Variants in PABPC4L observed in about 807,000 individuals in gnomAD.
PABPC4L encodes poly(A) binding protein cytoplasmic 4 like, also known as polyadenylate-binding protein 4-like.
For synonymous variants in PABPC4L, 169 were observed against 164.1 expected, an observed-to-expected ratio of 1.03 and a Z score of -0.23; for missense variants, 452 against 451.4, an observed-to-expected ratio of 1.00 and a Z score of -0.01.
At chr4:134,100,909 A>C in the PABPC4L span, among the ~76,000 whole-genome samples, 2 of 151,650 alleles carry the variant, frequency 1.3e-5, no homozygotes, top group Admixed American at 1.3e-4. Context: ...ATTTATTTAT[A>C]GCCAAAATAA....
chr4:133,958,332 T>C, the PABPC4L span, among the ~76,000 whole-genome samples: 6 of 152,180 alleles, frequency 3.9e-5, no homozygotes, highest in East Asian at 9.7e-4. Context: ...TACCTCAACC[T>C]GGACATCATT....
At chr4:134,138,243 T>C in the PABPC4L span, among the ~76,000 whole-genome samples, 19 of 151,814 alleles carry the variant, frequency 1.3e-4, no homozygotes, top group African/African-American at 4.6e-4. Flanking sequence ...TACTAGAATA[T>C]TAATGAGAAT....
chr4:134,084,141 T>C, the PABPC4L span, among the ~76,000 whole-genome samples: 1 of 152,106 alleles, frequency 6.6e-6, no homozygotes, highest in East Asian at 1.9e-4. Flanking sequence ...CTCAAACTCC[T>C]GGGCCCAAGG....
the PABPC4L span, among the ~76,000 whole-genome samples, chr4:134,107,871 A>G: frequency 2.0e-5 from 3 of 151,422 alleles, no homozygotes; most frequent in African/African-American, 7.3e-5. Flanking sequence ...TAGATATAAC[A>G]CCTAATGCTT....
the PABPC4L span, among the ~76,000 whole-genome samples, chr4:134,104,528 C>G: frequency 2.0e-5 from 3 of 151,626 alleles, no homozygotes; most frequent in African/African-American, 4.8e-5. Flanking sequence ...TGAGAAAATA[C>G]GTTTCTCCGA....
the PABPC4L span, among the ~76,000 whole-genome samples, chr4:134,139,177 A>G: frequency 6.6e-6 from 1 of 152,060 alleles, no homozygotes; most frequent in Non-Finnish European, 1.5e-5. Flanking sequence ...CTTTGAAAAT[A>G]TGAATTTTAA....
the PABPC4L span, among the ~76,000 whole-genome samples, chr4:134,016,352 G>T: frequency 1.3e-5 from 2 of 152,062 alleles, no homozygotes; most frequent in Admixed American, 1.3e-4. Flanking sequence ...CTACGCAAGG[G>T]TCCTCTATCA....
the PABPC4L span, among the ~76,000 whole-genome samples, chr4:134,094,416 G>A: frequency 2.6e-5 from 4 of 151,822 alleles, no homozygotes; most frequent in Non-Finnish European, 5.9e-5. Context: ...CACTTTAGCT[G>A]TAGTTATATA....
chr4:133,981,712 A>G, the PABPC4L span, among the ~76,000 whole-genome samples: 4 of 152,106 alleles, frequency 2.6e-5, no homozygotes, highest in South Asian at 8.3e-4. Flanking sequence ...CTTGATATTT[A>G]AAACTCAAAA....
chr4:134,132,832 G>A, the PABPC4L span, among the ~76,000 whole-genome samples: 3 of 146,982 alleles, frequency 2.0e-5, no homozygotes, highest in Non-Finnish European at 4.5e-5. Flanking sequence ...ATCAATAAGT[G>A]GTTAAAGAAA....
the PABPC4L span, among the ~76,000 whole-genome samples, chr4:134,128,262 C>G: frequency 6.6e-6 from 1 of 152,078 alleles, no homozygotes; most frequent in Non-Finnish European, 1.5e-5. Context: ...GGAAGCCTTC[C>G]CTGGCCTTGC....
the PABPC4L span, among the ~76,000 whole-genome samples, chr4:134,169,478 C>A: frequency 6.6e-6 from 1 of 151,862 alleles, no homozygotes; most frequent in Non-Finnish European, 1.5e-5. Flanking sequence ...TAAAAGGCAT[C>A]CAAATTAGAA....
the PABPC4L span, among the ~76,000 whole-genome samples, chr4:134,143,296 G>T: frequency 1.3e-5 from 2 of 149,448 alleles, no homozygotes; most frequent in Non-Finnish European, 3.0e-5. Flanking sequence ...AATATTATGT[G>T]TGTACATATG....
chr4:134,058,173 A>G, the PABPC4L span, among the ~76,000 whole-genome samples: 1 of 152,040 alleles, frequency 6.6e-6, no homozygotes, highest in Non-Finnish European at 1.5e-5. Context: ...AATGATTGAG[A>G]CTACTTAAAA....
At chr4:134,129,920 C>T in the PABPC4L span, among the ~76,000 whole-genome samples, 8 of 151,758 alleles carry the variant, frequency 5.3e-5, no homozygotes, top group South Asian at 2.1e-4. Context: ...ATACAATTAG[C>T]CAGGCGTGGT....
the PABPC4L span, among the ~76,000 whole-genome samples, chr4:134,016,995 T>C: frequency 6.6e-6 from 1 of 152,158 alleles, no homozygotes; most frequent in Non-Finnish European, 1.5e-5. Flanking sequence ...TCCTACAAGG[T>C]CTGAGAAGGC....
At chr4:134,151,591 C>A in the PABPC4L span, among the ~76,000 whole-genome samples, 1 of 151,972 alleles carries the variant, frequency 6.6e-6, no homozygotes, top group Non-Finnish European at 1.5e-5. Context: ...TCAACACATA[C>A]AAAATTGTCA....
chr4:133,990,413 T>G, the PABPC4L span, among the ~76,000 whole-genome samples: 1 of 152,190 alleles, frequency 6.6e-6, no homozygotes, highest in African/African-American at 2.4e-5. Flanking sequence ...TCAACTTAAT[T>G]GACAAATATT....
the PABPC4L span, among the ~76,000 whole-genome samples, chr4:134,002,021 GA>G: frequency 6.6e-6 from 1 of 151,980 alleles, no homozygotes; most frequent in Admixed American, 6.6e-5. Context: ...GAATCTGCCT[GA>G]AAACTGAATT....
Sources: gnomAD v4.1 joint callset for allele counts (sites outside exome capture counted in the v4.1 genomes callset) on GRCh38, gnomAD v4.1.1 for gene constraint, MANE v1.5 for transcripts, NCBI Gene and HGNC (gene_info 2026-07-23, HGNC 2026-07-21) for gene names.